The following SEMA6D variants were observed in gnomAD, a reference collection of about 807,000 sequenced individuals.
The protein encoded by SEMA6D is semaphorin-6D.
SEMA6D carries 35 observed loss-of-function variants against 106.6 expected under a neutral mutation model. The observed-to-expected ratio is 0.33, with a 90% CI of 0.25 to 0.44. The LOEUF is 0.44. Ranked by LOEUF, SEMA6D falls within the 20% of genes least tolerant of loss-of-function variation. The pLI is 1.00. For synonymous variants in SEMA6D, 499 were observed against 487.7 expected, an observed-to-expected ratio of 1.02 and a Z score of -0.31; for missense variants, 1,185 against 1,345.9, an observed-to-expected ratio of 0.88 and a Z score of 1.87.
chr15:47,522,526 TTAAAAGGCAGG>T (rs1336395344), intron 3 of SEMA6D, among the ~76,000 whole-genome samples: 3 of 152,124 alleles, frequency 2.0e-5, no homozygotes, highest in Non-Finnish European at 4.4e-5. Context: ...GAGAAATAAA[TTAAAAGGCAGG>T]TAAGTAAGCA....
intron 1 of SEMA6D, among the ~76,000 whole-genome samples, chr15:47,256,065 C>G (rs1314841307): frequency 6.6e-6 from 1 of 152,112 alleles, no homozygotes; most frequent in African/African-American, 2.4e-5. Context: ...GTGTCTGTTT[C>G]TCTACTAACA....
chr15:47,720,685 A>G (rs2079373977), intron 1 of SEMA6D, among the ~76,000 whole-genome samples: 1 of 152,206 alleles, frequency 6.6e-6, no homozygotes, highest in East Asian at 1.9e-4. Flanking sequence ...TTGATTCACA[A>G]AGATGGCCAT....
chr15:47,433,028 T>C (rs2041588717), intron 2 of SEMA6D, among the ~76,000 whole-genome samples: 1 of 152,054 alleles, frequency 6.6e-6, no homozygotes, highest in Admixed American at 6.6e-5. Context: ...TTTGACTAAT[T>C]CCACAAAAAT....
chr15:47,502,240 G>T (rs2043872879), intron 3 of SEMA6D, among the ~76,000 whole-genome samples: 1 of 152,210 alleles, frequency 6.6e-6, no homozygotes, highest in Non-Finnish European at 1.5e-5. Flanking sequence ...AGACAAATTA[G>T]ATCGTCGCAC....
rs779136178 is a variant in SEMA6D at position 47,407,368 on chromosome 15, CA to C, written c.-238-5006del. Reference sequence around the variant, plus strand: ...TGGCTGACAGAGCAAGACTCTATCTCAAAAAAAAAAAAAAAAAAACCAAAAC... The same window carrying C: ...TGGCTGACAGAGCAAGACTCTATCTCAAAAAAAAAAAAAAAAAACCAAAAC... On this transcript the variant is annotated intron_variant, in intron 1 of 19. Transcript: ENST00000558014. Among the ~76,000 whole-genome samples the C allele has an allele frequency of 3.7e-3, 178 of 47,870 alleles. 2 individuals are homozygous for C. The highest frequency in any genetic ancestry group is 0.012 in the African/African-American group (145 of 11,684). The allele number at this position is 47,870 out of a possible 152,430, so 31.4% of individuals were successfully genotyped here.
At chr15:47,489,531 C>T (rs963911146) in intron 3 of SEMA6D, among the ~76,000 whole-genome samples, 1 of 152,204 alleles carries the variant, frequency 6.6e-6, no homozygotes, top group Admixed American at 6.5e-5. Flanking sequence ...AATCCCTATG[C>T]GTTTGTCAGC....
At chr15:47,552,881 AATATATATAAATAT>A (rs2045786172) in intron 3 of SEMA6D, among the ~76,000 whole-genome samples, 1 of 14,332 alleles carries the variant, frequency 7.0e-5, no homozygotes, top group Non-Finnish European at 1.4e-4. Flanking sequence ...TATATATATA[AATATATATAAATAT>A]ATATATATAT....
intron 2 of SEMA6D, among the ~76,000 whole-genome samples, chr15:47,421,173 C>T (rs984828409): frequency 3.3e-5 from 5 of 152,080 alleles, no homozygotes; most frequent in Non-Finnish European, 4.4e-5. Context: ...TATTGACATT[C>T]CAAGACAAGA....
At chr15:47,479,495 C>A (rs904385714) in intron 3 of SEMA6D, among the ~76,000 whole-genome samples, 6 of 152,176 alleles carry the variant, frequency 3.9e-5, no homozygotes, top group African/African-American at 1.4e-4. Context: ...GTATAAGCAC[C>A]AATTATCTTT....
At chr15:47,750,215 G>C (rs1430922634) in intron 1 of SEMA6D, among the ~76,000 whole-genome samples, 1 of 152,142 alleles carries the variant, frequency 6.6e-6, no homozygotes, top group Non-Finnish European at 1.5e-5. Flanking sequence ...ATAGTGACTT[G>C]AAATGCTTGG....
At chr15:47,254,438 T>G (rs1215556891) in intron 1 of SEMA6D, among the ~76,000 whole-genome samples, 5 of 151,680 alleles carry the variant, frequency 3.3e-5, no homozygotes, top group Non-Finnish European at 7.4e-5. Context: ...CTTGCCTAGT[T>G]GCTCCGGCTG....
intron 6 of SEMA6D, 101 bp from the exon 7 acceptor site, chr15:47,761,560 C>G (rs1869383207): frequency 2.4e-6 from 3 of 1,265,592 alleles, no homozygotes; most frequent in African/African-American, 1.5e-5. Flanking sequence ...AGAATAAAGA[C>G]AGAATTCTTC....
intron 3 of SEMA6D, chr15:47,581,206 T>A: frequency 2.6e-6 from 1 of 384,746 alleles, no homozygotes; most frequent in Non-Finnish European, 5.0e-6. Context: ...ATTGTTGCCA[T>A]CTTTTCCCGT....
intron 3 of SEMA6D, among the ~76,000 whole-genome samples, chr15:47,531,719 T>C (rs1474780387): frequency 6.6e-6 from 1 of 152,212 alleles, no homozygotes; most frequent in Non-Finnish European, 1.5e-5. Flanking sequence ...CAATGCTTTA[T>C]TGGGAATCAG....
chr15:47,587,231 C>T (rs1028383995), intron 3 of SEMA6D, among the ~76,000 whole-genome samples: 1 of 152,144 alleles, frequency 6.6e-6, no homozygotes, highest in African/African-American at 2.4e-5. Context: ...CCTACCTCAC[C>T]CCACCCGTCA....
chr15:47,608,860 A>G (rs1316037361), intron 4 of SEMA6D, among the ~76,000 whole-genome samples: 1 of 151,984 alleles, frequency 6.6e-6, no homozygotes, highest in Non-Finnish European at 1.5e-5. Context: ...TGTAATCTCC[A>G]GTAATTTCCT....
chr15:47,186,981 C>A (rs1161018334), intron 1 of SEMA6D, among the ~76,000 whole-genome samples: 1 of 151,830 alleles, frequency 6.6e-6, no homozygotes, highest in Non-Finnish European at 1.5e-5. Flanking sequence ...TGAAAAAGGT[C>A]TTTCTAAACT....
intron 3 of SEMA6D, among the ~76,000 whole-genome samples, chr15:47,480,865 A>G (rs1446575515): frequency 2.0e-5 from 3 of 152,168 alleles, no homozygotes; most frequent in East Asian, 3.8e-4. Context: ...GTGAACTCGT[A>G]TTTAAATCTG....
intron 4 of SEMA6D, among the ~76,000 whole-genome samples, chr15:47,634,099 C>T (rs547691743): frequency 1.2e-4 from 18 of 152,084 alleles, no homozygotes; most frequent in Non-Finnish European, 2.4e-4. Context: ...CAAATAATGC[C>T]GACATATGAT....
Sources: gnomAD v4.1 joint callset for allele counts (sites outside exome capture counted in the v4.1 genomes callset) on GRCh38, gnomAD v4.1.1 for gene constraint, MANE v1.5 for transcripts, NCBI Gene and HGNC (gene_info 2026-07-23, HGNC 2026-07-21) for gene names.